XDH: variants seen among roughly 807,000 people sequenced by gnomAD.
The protein encoded by XDH is xanthine dehydrogenase.
A neutral mutation model predicts 156.1 loss-of-function variants in XDH; 138 were observed. The ratio of observed to expected loss-of-function variants is 0.88; its 90% CI spans 0.77 to 1.02. The LOEUF (loss-of-function observed/expected upper bound fraction) is 1.02, where lower values mean the gene tolerates loss of function less well. Ranked by LOEUF, XDH falls within the 50% of genes least tolerant of loss-of-function variation. XDH has a pLI of 0.00. For missense variants in XDH, 1,849 were observed against 1,684.9 expected (o/e 1.10, Z -1.71); for synonymous variants, 669 against 625.7 (o/e 1.07, Z -1.03).
Position 31,344,703 on chromosome 2 carries a change from A to ACAAG in XDH, c.3381_3384dup (p.Ser1129LeufsTer8). 6.2e-7 allele frequency: 1 copy of ACAAG among 1,614,170 alleles called. No homozygotes were observed. Among genetic ancestry groups the ACAAG allele is most frequent in the South Asian group, 1.1e-5 (1 of 91,078 alleles). On this transcript the variant is annotated frameshift_variant, in exon 31 of 36. Transcript: ENST00000379416. LOFTEE classifies it high-confidence loss of function. ...ACTTACCTATAAAACCCAGTGGCAG[A>ACAAG]CAAGCTCACTGTGTCCATGTAGGCA...
Position 31,367,955 on chromosome 2 carries a change from C to G in XDH, c.2197+6G>C, listed in dbSNP as rs900795125. The stretch of plus-strand genomic sequence containing the variant: ...CCATTCCCACTGCGGCATGGAACAG[C>G]TCTACCTGACACAACATTATCTGCT... On this transcript the variant is annotated splice_donor_region_variant and intron_variant, in intron 20 of 35. Coordinates refer to ENST00000379416, the MANE Select transcript of XDH (RefSeq NM_000379.4). 3 of 1,614,090 alleles carry G rather than the reference C, an allele frequency of 1.9e-6. No homozygotes were observed. Among genetic ancestry groups the G allele is most frequent in the Non-Finnish European group, 2.5e-6 (3 of 1,179,954 alleles).
intron 11 of XDH, 138 bp downstream of exon 11, chr2:31,382,863 A>G: frequency 7.7e-7 from 1 of 1,297,964 alleles, no homozygotes; most frequent in Non-Finnish European, 1.1e-6. Flanking sequence ...CTGCACTTTA[A>G]CAAGCACTGC....
At chr2:31,381,964 C>A (rs1005591019) in intron 11 of XDH, among the ~76,000 whole-genome samples, 1 of 152,108 alleles carries the variant, frequency 6.6e-6, no homozygotes, top group Admixed American at 6.6e-5. Context: ...CAGGCAAGCC[C>A]CTTTAAGTGT....
chr2:31,335,696 A>G lies in XDH; in HGVS notation c.*262T>C, dbSNP rs372592687. 20 of 579,060 alleles carry G rather than the reference A, an allele frequency of 3.5e-5. No homozygotes were observed. The highest frequency in any genetic ancestry group is 5.3e-5 in the Non-Finnish European group (17 of 323,342). 35.9% of individuals were successfully genotyped at this position (579,060 alleles called of 1,614,324 possible). ...CCCTTCCCGACCCTATTCCAGATAC[A>G]TGATTAAAACAGACAGAAAATGATC... On this transcript the variant is annotated 3_prime_UTR_variant, in exon 36 of 36. Transcript: ENST00000379416.
At chr2:31,394,407 T>C (rs1381747126) in intron 6 of XDH, among the ~76,000 whole-genome samples, 1 of 152,186 alleles carries the variant, frequency 6.6e-6, no homozygotes, top group Non-Finnish European at 1.5e-5. Flanking sequence ...TGCTCTTCTA[T>C]AGGTGAGGGG....
chr2:31,410,971 G>A (rs1376388272), intron 1 of XDH, among the ~76,000 whole-genome samples: 1 of 152,112 alleles, frequency 6.6e-6, no homozygotes, highest in Non-Finnish European at 1.5e-5. Flanking sequence ...TTCTATAAAT[G>A]GACTACAGTT....
rs1268063384 is a variant in XDH at position 31,386,448 on chromosome 2, A to T, written c.759T>A (p.Pro253=). ...TGTTCCCCACGACCAGCTTGGCGTCAGGGTGCTGAGCCTTGAGGTCCAGCA... is the reference window on the plus strand; with the variant it reads ...TGTTCCCCACGACCAGCTTGGCGTCTGGGTGCTGAGCCTTGAGGTCCAGCA... ...KELLDLKAQH[P]DAKLVVGNTE... is the part of the protein sequence containing the mutation. Residue 253 remains proline (P), a synonymous_variant, in exon 9 of 36, where the codon CCT becomes CCA. Transcript: ENST00000379416. 1.4e-5 allele frequency: 22 copies of T among 1,613,970 alleles called. No homozygotes were observed. The highest frequency in any genetic ancestry group is 1.9e-5 in the Non-Finnish European group (22 of 1,180,018).
intron 26 of XDH, 75 bp downstream of exon 26, chr2:31,349,611 C>T: frequency 1.3e-6 from 2 of 1,505,152 alleles, no homozygotes; most frequent in Non-Finnish European, 1.8e-6. Flanking sequence ...TATTAGCTTC[C>T]TATATGGGGT....
At chr2:31,381,609 G>C in intron 12 of XDH, 24 bp downstream of exon 12, 1 of 1,612,198 alleles carries the variant, frequency 6.2e-7, no homozygotes, top group East Asian at 2.2e-5. Context: ...CCTTCTTCCT[G>C]GACCTCTGCT....
chr2:31,352,394 A>ACT (rs982621708), intron 24 of XDH, among the ~76,000 whole-genome samples: 4 of 151,198 alleles, frequency 2.6e-5, no homozygotes, highest in Admixed American at 1.3e-4. Context: ...CCCTATGGGT[A>ACT]CTCTCTCTCT....
intron 17 of XDH, among the ~76,000 whole-genome samples, chr2:31,370,754 C>G (rs1408757599): frequency 2.0e-5 from 3 of 152,160 alleles, no homozygotes; most frequent in Non-Finnish European, 4.4e-5. Context: ...AATCCCAGCA[C>G]CTTGGCAGGT....
intron 6 of XDH, among the ~76,000 whole-genome samples, chr2:31,395,676 T>G (rs1686882704): frequency 6.6e-6 from 1 of 152,146 alleles, no homozygotes; most frequent in South Asian, 2.1e-4. Flanking sequence ...CCTTACATCT[T>G]CCTATCCTGG....
chr2:31,349,550 G>A, intron 26 of XDH, 136 bp downstream of exon 26: 1 of 1,257,430 alleles, frequency 8.0e-7, no homozygotes, highest in East Asian at 2.3e-5. Flanking sequence ...TTAAAGAGAT[G>A]GCTGTGAATG....
At position 31,409,243 on chromosome 2, in the gene XDH, C is replaced by T. The variant is rs143073924; in HGVS notation, c.43-3279G>A. The stretch of plus-strand genomic sequence containing the variant: ...GTTGGATAACACAACAGAATAACTA[C>T]AGTCAATAATAATTTAACTGTACAT... On this transcript the variant is annotated intron_variant, in intron 1 of 35. Coordinates refer to ENST00000379416, the MANE Select transcript of XDH (RefSeq NM_000379.4). Among the ~76,000 whole-genome samples, 8 of 152,224 alleles carry T rather than the reference C, an allele frequency of 5.3e-5. No homozygotes were observed. In the East Asian group the frequency reaches 1.3e-3, roughly 26 times the overall value.
intron 11 of XDH, 32 bp from the exon 12 acceptor site, chr2:31,381,758 C>T: frequency 6.3e-7 from 1 of 1,591,306 alleles, no homozygotes; most frequent in Non-Finnish European, 8.6e-7. Flanking sequence ...CAGTGAGAGC[C>T]CACCCCAGGA....
intron 6 of XDH, among the ~76,000 whole-genome samples, chr2:31,395,609 A>G (rs1686881812): frequency 6.6e-6 from 1 of 151,982 alleles, no homozygotes; most frequent in Non-Finnish European, 1.5e-5. Context: ...CCGCTCCATG[A>G]CTGCATCCCC....
chr2:31,358,866 G>A (rs1685699014), intron 24 of XDH, among the ~76,000 whole-genome samples: 1 of 152,040 alleles, frequency 6.6e-6, no homozygotes, highest in Non-Finnish European at 1.5e-5. Context: ...AAAAACAAAG[G>A]AAGGATATAT....
chr2:31,354,743 T>A (rs1478154253), intron 24 of XDH, among the ~76,000 whole-genome samples: 2 of 152,052 alleles, frequency 1.3e-5, no homozygotes, highest in Non-Finnish European at 2.9e-5. Flanking sequence ...CTGAACTATA[T>A]TGAGAATATG....
chr2:31,352,122 G>T (rs1235956314), intron 24 of XDH, among the ~76,000 whole-genome samples: 1 of 151,856 alleles, frequency 6.6e-6, no homozygotes, highest in Non-Finnish European at 1.5e-5. Flanking sequence ...CTATGATTTG[G>T]ACCTCTTGAA....
Sources: allele counts gnomAD v4.1 joint callset (sites outside exome capture counted in the v4.1 genomes callset), GRCh38; gene constraint gnomAD v4.1.1; transcripts MANE v1.5; gene names NCBI Gene and HGNC (gene_info 2026-07-23, HGNC 2026-07-21).